Variants in NPC1L1 observed in about 807,000 individuals in gnomAD.
NPC1L1 encodes the protein NPC1-like intracellular cholesterol transporter 1.
NPC1L1 carries 98 observed loss-of-function variants against 117.0 expected under a neutral mutation model. That is an observed-to-expected ratio of 0.84 (90% CI 0.71 to 0.99). The LOEUF is 0.99. Ranked by LOEUF, NPC1L1 falls within the 50% of genes least tolerant of loss-of-function variation. NPC1L1 has a pLI of 0.00. For synonymous variants in NPC1L1, 729 were observed against 727.6 expected, an observed-to-expected ratio of 1.00 and a Z score of -0.03; for missense variants, 1,540 against 1,710.0, an observed-to-expected ratio of 0.90 and a Z score of 1.75.
chr7:44,526,546 C>CAAAAAAAAAAAAAAAAAA (rs372498105), intron 10 of NPC1L1, among the ~76,000 whole-genome samples: 2 of 68,350 alleles, frequency 2.9e-5, no homozygotes, highest in African/African-American at 1.4e-4. Flanking sequence ...GACTCCATCT[C>CAAAAAAAAAAAAAAAAAA]AAAAAAAAAA....
chr7:44,535,364 CA>C (rs1203907892), intron 5 of NPC1L1, among the ~76,000 whole-genome samples: 1,968 of 120,246 alleles, frequency 0.016, 16 homozygotes, highest in Non-Finnish European at 0.023. Flanking sequence ...AGCTCTGTCT[CA>C]AAAAAAAAAA....
intron 10 of NPC1L1, among the ~76,000 whole-genome samples, chr7:44,530,838 G>A (rs1208229479): frequency 6.6e-6 from 1 of 152,066 alleles, no homozygotes; most frequent in Admixed American, 6.5e-5. Flanking sequence ...ATCTGCTCTT[G>A]TCCTCCCTCA....
intron 10 of NPC1L1, among the ~76,000 whole-genome samples, chr7:44,526,557 A>C (rs897645521): frequency 2.6e-5 from 4 of 151,234 alleles, no homozygotes; most frequent in African/African-American, 4.9e-5. Flanking sequence ...AAAAAAAAAA[A>C]AAAAAAACTA....
Position 44,539,041 on chromosome 7 carries a change from C to T in NPC1L1, c.1356G>A (p.Arg452=), listed in dbSNP as rs1475198587. The part of the protein sequence containing the change: ...LELLELQERL[R]HLQVWSPEAQ... ...CTTCGGGCGACCATACCTGGAGGTG[C>T]CGCAGCCTCTCCTGCAGCTCTAGCA... The change falls in exon 2 of 19, where the codon CGG becomes CGA. Residue 452 remains arginine (R), a synonymous_variant. Coordinates refer to ENST00000381160, the MANE Select transcript of NPC1L1 (RefSeq NM_001101648.2). The surrounding 1 kb of genome is among the most constrained non-coding windows in gnomAD (Gnocchi z 4.4). 1.9e-6 allele frequency: 3 copies of T among 1,614,086 alleles called. No homozygotes were observed. The highest frequency in any genetic ancestry group is 2.5e-6 in the Non-Finnish European group (3 of 1,179,980).
rs570281115 is a variant in NPC1L1 at position 44,521,920 on chromosome 7, C to T, written c.2829-84G>A. The T allele has an allele frequency of 1.0e-5, 16 of 1,606,276 alleles. No homozygotes were observed. The East Asian group carries it at 2.9e-4, about 29-fold the overall frequency. ...CTCGTGGCCCAACCCCCACGCAGCC[C>T]TCCCCAGGCATACGGCAGCAAGGCA... On this transcript the variant is annotated intron_variant, in intron 11 of 18. Coordinates refer to ENST00000381160, the MANE Select transcript of NPC1L1 (RefSeq NM_001101648.2).
Position 44,530,278 on chromosome 7 carries a change from C to T in NPC1L1, c.2637+1477G>A, listed in dbSNP as rs561891721. On this transcript the variant is annotated intron_variant, in intron 10 of 18. Coordinates refer to ENST00000381160, the MANE Select transcript of NPC1L1 (RefSeq NM_001101648.2). ...ACTTGAACCCGGGAGGCGGAGATTG[C>T]GGTGAGCCGAGATCACACCATTGCA... Among the ~76,000 whole-genome samples, 16 of 152,060 alleles carry T rather than the reference C, an allele frequency of 1.1e-4. No homozygotes were observed. In the South Asian group the frequency reaches 3.3e-3, roughly 32 times the overall value.
At chr7:44,537,038 T>C in intron 2 of NPC1L1, 96 bp from the exon 3 acceptor site, 1 of 950,378 alleles carries the variant, frequency 1.1e-6, no homozygotes, top group Non-Finnish European at 1.6e-6. Context: ...CCCACAGCAC[T>C]ATGGAGGGTG....
chr7:44,541,139 A>T, intron 1 of NPC1L1, 67 bp downstream of exon 1: 1 of 1,509,206 alleles, frequency 6.6e-7, no homozygotes, highest in East Asian at 2.5e-5. Context: ...CTCGCCTGGT[A>T]CACGGCTGGC....
At chr7:44,528,517 A>G (rs1434068929) in intron 10 of NPC1L1, among the ~76,000 whole-genome samples, 2 of 152,216 alleles carry the variant, frequency 1.3e-5, no homozygotes, top group Non-Finnish European at 2.9e-5. Context: ...AGAGTGTTAT[A>G]ACTTCAGCAC....
chr7:44,540,371 G>A, intron 1 of NPC1L1, 29 bp from the exon 2 acceptor site: 1 of 1,599,904 alleles, frequency 6.3e-7, no homozygotes. Context: ...TCACGCGTGG[G>A]CCCTGACACA....
chr7:44,530,579 T>A (rs1449657195), intron 10 of NPC1L1, among the ~76,000 whole-genome samples: 1 of 151,796 alleles, frequency 6.6e-6, no homozygotes, highest in Non-Finnish European at 1.5e-5. Context: ...GGAAAAAAAA[T>A]GATAAAATTT....
intron 8 of NPC1L1, 148 bp from the exon 9 acceptor site, chr7:44,532,365 T>A (rs928379356): frequency 1.1e-6 from 1 of 872,442 alleles, no homozygotes; most frequent in Non-Finnish European, 1.8e-6. Context: ...TTCTTTGCTT[T>A]TATTTTAATC....
Position 44,520,785 on chromosome 7 carries a change from G to A in NPC1L1, c.3116C>T (p.Thr1039Ile), listed in dbSNP as rs1326110649. 6.2e-7 allele frequency: 1 copy of A among 1,614,104 alleles called. No individual in the cohort carries two copies. Among genetic ancestry groups the A allele is most frequent in the South Asian group, 1.1e-5 (1 of 91,082 alleles). Residue 1039 changes from threonine (T) to isoleucine (I), a missense_variant, in exon 14 of 19, where the codon ACT becomes ATT. Coordinates refer to ENST00000381160, the MANE Select transcript of NPC1L1 (RefSeq NM_001101648.2). Reference protein sequence around the residue: ...LAAYSTSVNLTSDGQVLASRF... With the variant: ...LAAYSTSVNLISDGQVLASRF... ...CTTACCTAAAACCTGGCCATCTGAA[G>A]TCAAGTTCACAGAGGTGCTGTATGC...
chr7:44,521,740 A>T lies in NPC1L1; in HGVS notation c.2925T>A (p.Asn975Lys). 6.2e-7 allele frequency: 1 copy of T among 1,614,064 alleles called. No homozygotes were observed. The highest frequency in any genetic ancestry group is 8.5e-7 in the Non-Finnish European group (1 of 1,180,010). Residue 975 changes from asparagine to lysine, a missense_variant, in exon 12 of 19, where the codon AAT (asparagine) becomes AAA (lysine). Physicochemically the swap from Asn to Lys is moderately conservative, Grantham distance 94 (BLOSUM62 0). This residue lies in a region of NPC1L1 where 742 missense variants were observed against 873.6 expected (regional missense o/e 0.85). Coordinates refer to ENST00000381160, the MANE Select transcript of NPC1L1 (RefSeq NM_001101648.2). ...CGGTCGAGGGGCAGAACTTGTCCTT[A>T]TTGGGGCCAGATATATAAAGGCGGC... ...SCCRLYISGP[N>K]KDKFCPSTVN...
At position 44,513,410 on chromosome 7, in the gene NPC1L1, T is replaced by C; in HGVS notation, c.*37A>G. 1 of 1,598,738 alleles carries C rather than the reference T, an allele frequency of 6.3e-7. No homozygotes were observed. The highest frequency in any genetic ancestry group is 1.7e-5 in the Admixed American group (1 of 60,010). ...AGGAAGATCCCCATAACCCTTTGGT[T>C]CAGGGCCATAGAGCCTAGACAGGGC... On this transcript the variant is annotated 3_prime_UTR_variant, in exon 19 of 19. Coordinates refer to ENST00000381160, the MANE Select transcript of NPC1L1 (RefSeq NM_001101648.2).
Position 44,534,318 on chromosome 7 carries a change from T to C in NPC1L1, c.2166+129A>G, listed in dbSNP as rs1801794335. On this transcript the variant is annotated intron_variant, in intron 6 of 18. Coordinates refer to ENST00000381160, the MANE Select transcript of NPC1L1 (RefSeq NM_001101648.2). The surrounding 1 kb of genome is among the most constrained non-coding windows in gnomAD (Gnocchi z 5.2). The stretch of plus-strand genomic sequence containing the variant: ...CTAGTTTCTACAGATATTGTAAACA[T>C]GCGTGTCGATGAACAGAAAGAGTCT... 2.3e-6 allele frequency: 2 copies of C among 868,018 alleles called. No homozygotes were observed. Among genetic ancestry groups the C allele is most frequent in the Admixed American group, 3.5e-5 (2 of 57,396 alleles). 53.8% of individuals were successfully genotyped at this position (868,018 alleles called of 1,614,324 possible). A position where few individuals can be genotyped will look rare whatever the true frequency, so the allele number is the denominator to read the frequency against.
At position 44,539,147 on chromosome 7, in the gene NPC1L1, C is replaced by A. The variant is rs536660131; in HGVS notation, c.1250G>T (p.Arg417Leu). ...CAGAGAGTCATACCTGTAGCTGGAC[C>A]GGTTAGGAGCCGTCAGGATCACCTG... is the stretch of plus-strand genomic sequence containing the variant. The part of the protein sequence containing the change: ...TNQVILTAPN[R>L]SSYRYDSLLL... Residue 417 changes from arginine to leucine, a missense_variant, in exon 2 of 19, where the codon CGG becomes CTG. Physicochemically the swap from Arg to Leu is moderately radical, Grantham distance 102. Coordinates refer to ENST00000381160, the MANE Select transcript of NPC1L1 (RefSeq NM_001101648.2). This position sits in a 1 kb window ranked among gnomAD's most constrained non-coding sequence, Gnocchi z 4.4. 2 of 1,614,040 alleles carry A rather than the reference C, an allele frequency of 1.2e-6. No individual in the cohort carries two copies. The highest frequency in any genetic ancestry group is 3.3e-5 in the Admixed American group (2 of 60,002).
At chr7:44,518,779 G>T in intron 14 of NPC1L1, 1 of 1,056,866 alleles carries the variant, frequency 9.5e-7, no homozygotes, top group Non-Finnish European at 1.2e-6. Flanking sequence ...AATGTTCTTG[G>T]ATACATACAA....
chr7:44,518,575 A>G, intron 14 of NPC1L1: 1 of 421,828 alleles, frequency 2.4e-6, no homozygotes, highest in Non-Finnish European at 4.4e-6. Flanking sequence ...AGGCTGAGGC[A>G]GGAGAATTAC....
Sources: gnomAD v4.1 joint callset for allele counts (sites outside exome capture counted in the v4.1 genomes callset) on GRCh38, gnomAD v4.1.1 for gene constraint, gnomAD v4.1.1 regional missense constraint, Gnocchi (gnomAD v3.1) non-coding constraint, MANE v1.5 for transcripts, NCBI Gene and HGNC (gene_info 2026-07-23, HGNC 2026-07-21) for gene names.